Variants in ADAM12 observed in about 807,000 individuals in gnomAD.
ADAM12 encodes ADAM metallopeptidase domain 12.
In ADAM12, 70 loss-of-function variants were observed where a neutral mutation model predicts 106.4. That is an observed-to-expected ratio of 0.66 (90% CI 0.54 to 0.80). ADAM12 has a LOEUF of 0.80. Among genes scored for constraint, ADAM12 ranks in the 30% least tolerant of loss-of-function variants. The pLI, the probability that ADAM12 is intolerant of heterozygous loss-of-function variation, is 0.00. For missense variants in ADAM12, 1,010 were observed against 1,171.9 expected (o/e 0.86, Z 2.02); for synonymous variants, 420 against 433.5 (o/e 0.97, Z 0.39).
intron 2 of ADAM12, among the ~76,000 whole-genome samples, chr10:126,301,573 T>C (rs1458138149): frequency 6.6e-6 from 1 of 152,016 alleles, no homozygotes; most frequent in African/African-American, 2.4e-5. Context: ...ATGAGGAACA[T>C]GGGGTAAGGG....
intron 3 of ADAM12, among the ~76,000 whole-genome samples, chr10:126,192,074 A>G (rs1319026153): frequency 6.6e-6 from 1 of 152,128 alleles, no homozygotes; most frequent in African/African-American, 2.4e-5. Context: ...GCCCCATCCA[A>G]TCACCTCCCA....
At chr10:126,027,051 G>C (rs1304855866) in intron 21 of ADAM12, among the ~76,000 whole-genome samples, 4 of 152,008 alleles carry the variant, frequency 2.6e-5, no homozygotes, top group Non-Finnish European at 5.9e-5. Flanking sequence ...GACACAATCA[G>C]AAATGATAAG....
intron 3 of ADAM12, among the ~76,000 whole-genome samples, chr10:126,266,459 T>A (rs941613028): frequency 2.0e-5 from 3 of 152,160 alleles, no homozygotes; most frequent in African/African-American, 7.2e-5. Flanking sequence ...AGCATGTGAT[T>A]CCTTTTCCTG....
At chr10:126,038,856 AG>A (rs1215617208) in intron 19 of ADAM12, among the ~76,000 whole-genome samples, 6 of 152,128 alleles carry the variant, frequency 3.9e-5, no homozygotes, top group African/African-American at 1.4e-4. Flanking sequence ...CCCCCAAAAA[AG>A]AACCAAGTCC....
In ADAM12 at chr10:126,036,455, G is replaced by A. The variant is rs936891341; in HGVS notation, c.2350-130C>T. 7 of 854,384 alleles carry A rather than the reference G, an allele frequency of 8.2e-6. No homozygotes were observed. The African/African-American group carries it at 1.1e-4, about 13-fold the overall frequency. 52.9% of individuals were successfully genotyped at this position (854,384 alleles called of 1,614,324 possible). Reference sequence around the variant, plus strand: ...GGTGGGGTAAAGGAAAGAAATCAAGGATGTACACAAGAGGGGAATTATTTT... The same window carrying A: ...GGTGGGGTAAAGGAAAGAAATCAAGAATGTACACAAGAGGGGAATTATTTT... On this transcript the variant is annotated intron_variant, in intron 20 of 22. Coordinates refer to ENST00000448723, the MANE Select transcript of ADAM12 (RefSeq NM_001288973.2).
intron 3 of ADAM12, among the ~76,000 whole-genome samples, chr10:126,270,968 C>T (rs1959172220): frequency 6.6e-6 from 1 of 152,216 alleles, no homozygotes; most frequent in African/African-American, 2.4e-5. Context: ...GTTCTGCCCA[C>T]TGCCGGCTCC....
intron 1 of ADAM12, among the ~76,000 whole-genome samples, chr10:126,374,796 C>A (rs1453149006): frequency 6.6e-6 from 1 of 152,172 alleles, no homozygotes; most frequent in Non-Finnish European, 1.5e-5. Context: ...TAAAGAGATG[C>A]TTGCTACATT....
intron 1 of ADAM12, among the ~76,000 whole-genome samples, chr10:126,353,306 C>G (rs1390961765): frequency 6.6e-6 from 1 of 152,130 alleles, no homozygotes; most frequent in Non-Finnish European, 1.5e-5. Context: ...ATGCCTAGAT[C>G]TGAAAGATGT....
chr10:126,181,855 G>A (rs1387794656), intron 3 of ADAM12, among the ~76,000 whole-genome samples: 1 of 152,188 alleles, frequency 6.6e-6, no homozygotes, highest in Non-Finnish European at 1.5e-5. Context: ...ATAGCCGCAG[G>A]AGCCCCTCCT....
rs1856756837 is a variant in ADAM12 at position 126,388,344 on chromosome 10, G to A, written c.-199C>T. ...CATTTTTAAAAAAGTTTCCCCCCGTGTGTGTGCGTGCGTGCGCGCGCGCGC... is the reference window on the plus strand; with the variant it reads ...CATTTTTAAAAAAGTTTCCCCCCGTATGTGTGCGTGCGTGCGCGCGCGCGC... On this transcript the variant is annotated 5_prime_UTR_variant, in exon 1 of 23. Coordinates refer to ENST00000448723, the MANE Select transcript of ADAM12 (RefSeq NM_001288973.2). The surrounding 1 kb of genome is among the most constrained non-coding windows in gnomAD (Gnocchi z 4.4). 1.2e-6 allele frequency: 1 copy of A among 817,518 alleles called. No homozygotes were observed. Among genetic ancestry groups the A allele is most frequent in the South Asian group, 6.3e-5 (1 of 15,994 alleles). The allele number at this position is 817,518 out of a possible 1,614,324, so 50.6% of individuals were successfully genotyped here. A position where few individuals can be genotyped will look rare whatever the true frequency, so the allele number is the denominator to read the frequency against.
At chr10:126,291,398 C>T (rs1334176230) in intron 2 of ADAM12, among the ~76,000 whole-genome samples, 1 of 152,126 alleles carries the variant, frequency 6.6e-6, no homozygotes, top group African/African-American at 2.4e-5. Context: ...GTACTGAGGC[C>T]GAATGCAAAC....
Position 126,036,312 on chromosome 10 carries a change from C to G in ADAM12, c.2363G>C (p.Arg788Thr). The change falls in exon 21 of 23, where the codon AGA becomes ACA. Residue 788 changes from arginine (R) to threonine (T), a missense_variant. This residue lies in a region of ADAM12 where 615 missense variants were observed against 708.5 expected (regional missense o/e 0.87). Coordinates refer to ENST00000448723, the MANE Select transcript of ADAM12 (RefSeq NM_001288973.2). ...GTCAACATTCTGACACTGCAGCAAT[C>G]TCCTGGGATTGTCCTGTACAGTCAA... ...DSYPPKDNPR[R>T]LLQCQNVDIS... 1 of 1,567,372 alleles carries G rather than the reference C, an allele frequency of 6.4e-7. No homozygotes were observed.
intron 21 of ADAM12, among the ~76,000 whole-genome samples, chr10:126,032,087 C>G (rs527644850): frequency 6.6e-6 from 1 of 152,156 alleles, no homozygotes; most frequent in Non-Finnish European, 1.5e-5. Context: ...GAAATGGTTT[C>G]TATAAAGACC....
intron 3 of ADAM12, among the ~76,000 whole-genome samples, chr10:126,233,978 G>C (rs866426292): frequency 6.6e-6 from 1 of 152,222 alleles, no homozygotes; most frequent in African/African-American, 2.4e-5. Flanking sequence ...GCGTGTGTAT[G>C]ATGGGAAAAT....
intron 10 of ADAM12, 26 bp from the exon 11 acceptor site, chr10:126,094,159 T>C: frequency 6.2e-7 from 1 of 1,607,518 alleles, no homozygotes; most frequent in East Asian, 2.2e-5. Flanking sequence ...AAAGTACAGG[T>C]GTATAATTCA....
intron 1 of ADAM12, among the ~76,000 whole-genome samples, chr10:126,359,104 G>A (rs1048751316): frequency 6.6e-6 from 1 of 152,092 alleles, no homozygotes; most frequent in Admixed American, 6.5e-5. Flanking sequence ...CATATCTCAC[G>A]AGACTTATTC....
At chr10:126,256,898 T>C (rs1031052698) in intron 3 of ADAM12, among the ~76,000 whole-genome samples, 4 of 124,948 alleles carry the variant, frequency 3.2e-5, no homozygotes, top group African/African-American at 9.1e-5. Context: ...TTCCTGCACC[T>C]TTGGATGGGA....
intron 4 of ADAM12, among the ~76,000 whole-genome samples, chr10:126,139,244 G>C (rs1956465086): frequency 6.6e-6 from 1 of 151,920 alleles, no homozygotes; most frequent in Non-Finnish European, 1.5e-5. Flanking sequence ...TCATTTTTAT[G>C]TCCTTTAGTC....
intron 7 of ADAM12, among the ~76,000 whole-genome samples, chr10:126,108,988 T>A (rs1955823364): frequency 6.6e-6 from 1 of 152,240 alleles, no homozygotes; most frequent in South Asian, 2.1e-4. Flanking sequence ...TTTCATATCA[T>A]CAACTTGATT....
Sources: gnomAD v4.1 joint callset for allele counts (sites outside exome capture counted in the v4.1 genomes callset) on GRCh38, gnomAD v4.1.1 for gene constraint, gnomAD v4.1.1 regional missense constraint, Gnocchi (gnomAD v3.1) non-coding constraint, MANE v1.5 for transcripts, NCBI Gene and HGNC (gene_info 2026-07-23, HGNC 2026-07-21) for gene names.